The following GPHN variants were observed in gnomAD, a reference collection of about 807,000 sequenced individuals.
The protein encoded by GPHN is gephyrin.
Under a neutral mutation model 95.5 loss-of-function variants are expected in GPHN, and 17 were observed. The ratio of observed to expected loss-of-function variants is 0.18; its 90% CI spans 0.12 to 0.27. The LOEUF (loss-of-function observed/expected upper bound fraction) is 0.27, where lower values mean the gene tolerates loss of function less well. Among genes scored for constraint, GPHN ranks in the 10% least tolerant of loss-of-function variants. The pLI is 1.00. For synonymous variants in GPHN, 320 were observed against 322.5 expected, an observed-to-expected ratio of 0.99 and a Z score of 0.08; for missense variants, 660 against 978.1, an observed-to-expected ratio of 0.67 and a Z score of 4.34.
the GPHN span, chr14:67,651,561 C>T: frequency 6.7e-7 from 1 of 1,496,536 alleles, no homozygotes; most frequent in African/African-American, 1.4e-5. Context: ...AGACCTGGGA[C>T]CACGGCTGGA....
At chr14:67,417,249 A>T in the GPHN span, among the ~76,000 whole-genome samples, 1 of 152,206 alleles carries the variant, frequency 6.6e-6, no homozygotes, top group Non-Finnish European at 1.5e-5. Context: ...CATCTCTAAT[A>T]TGGGCTAATA....
At chr14:67,626,885 G>A in the GPHN span, among the ~76,000 whole-genome samples, 1 of 152,182 alleles carries the variant, frequency 6.6e-6, no homozygotes, top group African/African-American at 2.4e-5. Flanking sequence ...GTATTATTCA[G>A]TCATAAATGG....
At chr14:67,304,900 AAC>A in the GPHN span, among the ~76,000 whole-genome samples, 4 of 152,206 alleles carry the variant, frequency 2.6e-5, no homozygotes, top group South Asian at 4.1e-4. Flanking sequence ...TTTGAGAAAG[AAC>A]ACAGTTTCAT....
chr14:67,631,434 CTTTTT>C, the GPHN span, among the ~76,000 whole-genome samples: 3 of 113,160 alleles, frequency 2.7e-5, no homozygotes, highest in Admixed American at 1.0e-4. Flanking sequence ...TTCTTTCTTT[CTTTTT>C]TTTTTTTTTT....
chr14:67,592,311 A>G, the GPHN span: 1 of 436,806 alleles, frequency 2.3e-6, no homozygotes, highest in Non-Finnish European at 4.3e-6. Context: ...GAGATGGTGC[A>G]CACCTGTAGT....
At chr14:66,692,968 ATTG>A (rs1328298935) in intron 2 of GPHN, among the ~76,000 whole-genome samples, 1 of 152,040 alleles carries the variant, frequency 6.6e-6, no homozygotes, top group Non-Finnish European at 1.5e-5. Flanking sequence ...GCATTGAACT[ATTG>A]TTTATGTGGG....
At chr14:67,509,828 G>A in the GPHN span, among the ~76,000 whole-genome samples, 2 of 152,034 alleles carry the variant, frequency 1.3e-5, no homozygotes, top group Admixed American at 6.6e-5. Context: ...GCAACATAGC[G>A]AGTTATAAAG....
the GPHN span, chr14:67,651,550 T>G: frequency 5.6e-4 from 875 of 1,559,438 alleles, no homozygotes; most frequent in Non-Finnish European, 7.1e-4. Flanking sequence ...ATTTTGGGGT[T>G]AGACCTGGGA....
chr14:67,347,468 A>C, the GPHN span: 26 of 1,593,848 alleles, frequency 1.6e-5, no homozygotes, highest in Non-Finnish European at 2.1e-5. Flanking sequence ...TAAACACAGA[A>C]GCATACATGG....
At chr14:66,672,891 G>A (rs887187637) in intron 1 of GPHN, among the ~76,000 whole-genome samples, 2 of 151,624 alleles carry the variant, frequency 1.3e-5, no homozygotes, top group Admixed American at 6.6e-5. Flanking sequence ...TGGTGCATTC[G>A]GACCATTGAC....
chr14:66,683,390 A>ATGTTCATATG, intron 2 of GPHN, among the ~76,000 whole-genome samples: 1 of 121,466 alleles, frequency 8.2e-6, no homozygotes, highest in Admixed American at 8.8e-5. Flanking sequence ...GTTCATATAT[A>ATGTTCATATG]TATGTTCATA....
At chr14:66,659,368 T>C (rs942461109) in intron 1 of GPHN, among the ~76,000 whole-genome samples, 1 of 152,090 alleles carries the variant, frequency 6.6e-6, no homozygotes. Flanking sequence ...CAGAACATGG[T>C]CTATATTGAA....
chr14:66,788,586 CAAAT>C (rs1595903505), intron 3 of GPHN, among the ~76,000 whole-genome samples: 1 of 152,064 alleles, frequency 6.6e-6, no homozygotes, highest in African/African-American at 2.4e-5. Context: ...ATTTGTATAC[CAAAT>C]AAACATTTCA....
intron 8 of GPHN, among the ~76,000 whole-genome samples, chr14:66,924,927 A>C (rs1411320352): frequency 6.6e-6 from 1 of 152,128 alleles, no homozygotes; most frequent in Non-Finnish European, 1.5e-5. Context: ...AAACAGTGAT[A>C]ATTTAGACAT....
intron 1 of GPHN, among the ~76,000 whole-genome samples, chr14:66,605,624 G>C (rs2062490124): frequency 6.9e-6 from 1 of 145,132 alleles, no homozygotes; most frequent in Non-Finnish European, 1.5e-5. Flanking sequence ...CTGCCCCCCA[G>C]GTTAACACCA....
the GPHN span, among the ~76,000 whole-genome samples, chr14:67,527,416 C>T: frequency 6.6e-6 from 1 of 152,070 alleles, no homozygotes; most frequent in Admixed American, 6.5e-5. Context: ...CCAGCCTGGG[C>T]AACAAGAGTG....
rs186606495 is a variant in GPHN, at chr14:66,629,291, T to A, written c.65-51816T>A. On this transcript the variant is annotated intron_variant, in intron 1 of 22. Coordinates refer to ENST00000478722, the MANE Select transcript of GPHN (RefSeq NM_020806.5). ...TTCAGTCTGTAAGTTTCTTTTCTAT[T>A]TTATCCTTTTACTTTGTAAACTTCT... is the stretch of plus-strand genomic sequence containing the variant. Among the ~76,000 whole-genome samples the A allele has an allele frequency of 5.3e-4, 80 of 150,104 alleles. 3 individuals are homozygous for A. The highest frequency in any genetic ancestry group is 1.9e-3 in the African/African-American group (79 of 41,032).
At chr14:66,957,487 C>T (rs1366863797) in intron 8 of GPHN, among the ~76,000 whole-genome samples, 1 of 152,054 alleles carries the variant, frequency 6.6e-6, no homozygotes, top group African/African-American at 2.4e-5. Context: ...TGAGCCACCG[C>T]ACCTGGTCCC....
intron 1 of GPHN, among the ~76,000 whole-genome samples, chr14:66,551,605 C>T (rs146542081): frequency 7.9e-5 from 12 of 152,214 alleles, no homozygotes; most frequent in East Asian, 5.8e-4. Context: ...CATTCTTGCA[C>T]GGCTATAAAG....
Sources: gnomAD v4.1 joint callset for allele counts (sites outside exome capture counted in the v4.1 genomes callset) on GRCh38, gnomAD v4.1.1 for gene constraint, MANE v1.5 for transcripts, NCBI Gene and HGNC (gene_info 2026-07-23, HGNC 2026-07-21) for gene names.